Variants in PIP5K1B observed in about 807,000 individuals in gnomAD.
PIP5K1B encodes the protein phosphatidylinositol 4-phosphate 5-kinase type-1 beta.
Under a neutral mutation model 67.0 loss-of-function variants are expected in PIP5K1B, and 42 were observed. The observed-to-expected ratio is 0.63, with a 90% CI of 0.49 to 0.81. The LOEUF (loss-of-function observed/expected upper bound fraction) is 0.81. Ranked by LOEUF, PIP5K1B falls within the 30% of genes least tolerant of loss-of-function variation. The pLI, the probability that PIP5K1B is intolerant of heterozygous loss-of-function variation, is 0.00. For synonymous variants in PIP5K1B, 214 were observed against 231.4 expected, an observed-to-expected ratio of 0.92 and a Z score of 0.68; for missense variants, 459 against 646.3, an observed-to-expected ratio of 0.71 and a Z score of 3.14.
intron 1 of PIP5K1B, among the ~76,000 whole-genome samples, chr9:68,719,670 G>C (rs1329800687): frequency 6.6e-6 from 1 of 152,146 alleles, no homozygotes; most frequent in Non-Finnish European, 1.5e-5. Flanking sequence ...CCTGCTAAGG[G>C]TTAAGAGAGA....
intron 1 of PIP5K1B, among the ~76,000 whole-genome samples, chr9:68,708,527 C>A (rs1397328725): frequency 1.4e-5 from 2 of 138,346 alleles, no homozygotes; most frequent in East Asian, 4.4e-4. Context: ...CTATGTTATG[C>A]TCTTTTGTTT....
At chr9:68,993,240 C>T (rs1008991260) in intron 15 of PIP5K1B, among the ~76,000 whole-genome samples, 1 of 152,180 alleles carries the variant, frequency 6.6e-6, no homozygotes, top group African/African-American at 2.4e-5. Flanking sequence ...CTGGGTCTCC[C>T]TCTTCCTTGC....
chr9:68,737,258 G>T (rs1828783619), intron 1 of PIP5K1B, among the ~76,000 whole-genome samples: 1 of 152,080 alleles, frequency 6.6e-6, no homozygotes, highest in African/African-American at 2.4e-5. Context: ...TTATTTCCTT[G>T]CTGGCTAGGT....
At chr9:68,746,765 G>A (rs575341393) in intron 2 of PIP5K1B, among the ~76,000 whole-genome samples, 53 of 152,300 alleles carry the variant, frequency 3.5e-4, no homozygotes, top group African/African-American at 1.3e-3. Flanking sequence ...AGAACCTGCC[G>A]AGGTAGCAGC....
intron 2 of PIP5K1B, among the ~76,000 whole-genome samples, chr9:68,799,161 G>A (rs1832453787): frequency 1.3e-5 from 2 of 152,200 alleles, no homozygotes; most frequent in South Asian, 4.1e-4. Flanking sequence ...AAATCTGGAT[G>A]CAGCTAAAAT....
At chr9:68,820,420 G>T (rs1307339526) in intron 3 of PIP5K1B, among the ~76,000 whole-genome samples, 1 of 152,150 alleles carries the variant, frequency 6.6e-6, no homozygotes, top group East Asian at 1.9e-4. Flanking sequence ...AAATAGAATT[G>T]CAAAATTATG....
rs190001617 is a variant in PIP5K1B, at chr9:68,857,390, G to A, written c.70-6447G>A. ...ACCCACAAACTGTATAATTTCCATA[G>A]TCCTACAACCAGTTTCATGCAATCT... On this transcript the variant is annotated intron_variant, in intron 4 of 15. Transcript: ENST00000265382. Among the ~76,000 whole-genome samples the A allele has an allele frequency of 5.1e-4, 77 of 152,262 alleles. 1 individual carries two copies. The highest frequency in any genetic ancestry group is 1.8e-3 in the African/African-American group (74 of 41,556).
At chr9:68,792,349 A>G (rs78560582) in intron 2 of PIP5K1B, among the ~76,000 whole-genome samples, 20,622 of 152,176 alleles carry the variant, frequency 0.14, 1,530 homozygotes, top group Non-Finnish European at 0.17. Context: ...GTTTTGTTTT[A>G]TTGAGTTCAT....
chr9:68,944,470 C>T (rs1360752257), intron 14 of PIP5K1B, among the ~76,000 whole-genome samples: 1 of 152,206 alleles, frequency 6.6e-6, no homozygotes, highest in Non-Finnish European at 1.5e-5. Flanking sequence ...CCTATGCTTT[C>T]CCCATCAAAG....
At chr9:68,772,376 T>C (rs896953263) in intron 2 of PIP5K1B, among the ~76,000 whole-genome samples, 8 of 152,214 alleles carry the variant, frequency 5.3e-5, no homozygotes, top group Non-Finnish European at 1.0e-4. Flanking sequence ...CTGCAGTTTA[T>C]TGTATGCCAA....
intron 2 of PIP5K1B, among the ~76,000 whole-genome samples, chr9:68,770,206 C>T (rs80305461): frequency 0.12 from 18,818 of 152,230 alleles, 1,301 homozygotes; most frequent in Non-Finnish European, 0.16. Context: ...TAAAATGTCC[C>T]GCTACCATGT....
chr9:68,709,893 C>G (rs563461406), intron 1 of PIP5K1B, among the ~76,000 whole-genome samples: 6 of 152,276 alleles, frequency 3.9e-5, no homozygotes, highest in Admixed American at 3.9e-4. Flanking sequence ...CTGGGTGACA[C>G]AGCAAGGCCT....
chr9:68,722,598 ATTG>A (rs1412191957), intron 1 of PIP5K1B, among the ~76,000 whole-genome samples: 2 of 150,458 alleles, frequency 1.3e-5, no homozygotes, highest in Non-Finnish European at 3.0e-5. Flanking sequence ...TGCTGACCAT[ATTG>A]TTGTTATTTT....
chr9:68,897,280 A>G (rs1417691269), intron 8 of PIP5K1B, among the ~76,000 whole-genome samples: 7 of 152,214 alleles, frequency 4.6e-5, no homozygotes, highest in Admixed American at 3.3e-4. Context: ...AACTAAACCT[A>G]TATTAGGATA....
intron 2 of PIP5K1B, among the ~76,000 whole-genome samples, chr9:68,753,515 CTTTTTTTTTTTTTTTTT>C (rs71500334): frequency 2.6e-5 from 1 of 38,276 alleles, no homozygotes; most frequent in Non-Finnish European, 4.2e-5. Flanking sequence ...AATTTTGTTT[CTTTTTTTTTTTTTTTTT>C]TTTTTTTTTT....
intron 4 of PIP5K1B, among the ~76,000 whole-genome samples, chr9:68,848,000 T>C (rs994347784): frequency 6.6e-6 from 1 of 152,224 alleles, no homozygotes; most frequent in Non-Finnish European, 1.5e-5. Context: ...GTTATGAGCA[T>C]GGACTCAGGG....
intron 2 of PIP5K1B, among the ~76,000 whole-genome samples, chr9:68,750,331 C>T (rs1829560075): frequency 6.6e-6 from 1 of 152,218 alleles, no homozygotes. Flanking sequence ...GTCAGTTATG[C>T]TAACTCACTG....
At chr9:68,875,613 T>C (rs1823853917) in intron 5 of PIP5K1B, among the ~76,000 whole-genome samples, 1 of 152,214 alleles carries the variant, frequency 6.6e-6, no homozygotes, top group Non-Finnish European at 1.5e-5. Context: ...ATCCAAAGTG[T>C]TTATTCTGTG....
At chr9:68,710,216 G>T (rs909969961) in intron 1 of PIP5K1B, among the ~76,000 whole-genome samples, 2 of 152,076 alleles carry the variant, frequency 1.3e-5, no homozygotes, top group African/African-American at 4.8e-5. Flanking sequence ...AATGGGAGTT[G>T]GAAGGAATCC....
Sources: allele counts gnomAD v4.1 joint callset (sites outside exome capture counted in the v4.1 genomes callset), GRCh38; gene constraint gnomAD v4.1.1; transcripts MANE v1.5; gene names NCBI Gene and HGNC (gene_info 2026-07-23, HGNC 2026-07-21).